Variants in MYOM3 observed in about 807,000 individuals in gnomAD.
The protein encoded by MYOM3 is myomesin 3.
Under a neutral mutation model 191.7 loss-of-function variants are expected in MYOM3, and 155 were observed. That is an observed-to-expected ratio of 0.81 (90% confidence interval 0.71 to 0.92). MYOM3 has a LOEUF of 0.92. Among genes scored for constraint, MYOM3 ranks in the 40% least tolerant of loss-of-function variants. The pLI, the probability that MYOM3 is intolerant of heterozygous loss-of-function variation, is 0.00. For missense variants in MYOM3, 1,889 were observed against 1,890.6 expected (o/e 1.00, Z 0.02); for synonymous variants, 757 against 762.9 (o/e 0.99, Z 0.13).
rs760240568 is a variant in MYOM3, at chr1:24,062,190, G to A, written c.3771-81C>T. ...CCCGTGCCCCAAAATCCTCTCCTCTGGTTTTGTTTTGAGATCACGGGCTAT... is the reference window on the plus strand; with the variant it reads ...CCCGTGCCCCAAAATCCTCTCCTCTAGTTTTGTTTTGAGATCACGGGCTAT... On this transcript the variant is annotated intron_variant, in intron 32 of 36. Transcript: ENST00000374434. 297 of 1,536,834 alleles carry A rather than the reference G, an allele frequency of 1.9e-4. 3 individuals carry two copies. Among genetic ancestry groups the A allele is most frequent in the Middle Eastern group, 1.1e-3 (5 of 4,380 alleles).
At chr1:24,057,845 C>T (rs886844187) in intron 36 of MYOM3, among the ~76,000 whole-genome samples, 2 of 152,144 alleles carry the variant, frequency 1.3e-5, no homozygotes, top group Non-Finnish European at 2.9e-5. Context: ...CTCGTTCCAT[C>T]GCCCAGGCTG....
chr1:24,087,814 G>T lies in MYOM3; in HGVS notation c.1615-987C>A, dbSNP rs934909020. Among the ~76,000 whole-genome samples the T allele has an allele frequency of 6.6e-6, 1 of 152,142 alleles. No individual in the cohort carries two copies. The highest frequency in any genetic ancestry group is 6.6e-5 in the Admixed American group (1 of 15,264). ...ATCATTGGCACCCCCTCCCCTGACT[G>T]CCGTGTCCCTAGGGCCAAGAACAGG... On this transcript the variant is annotated intron_variant, in intron 14 of 36. Transcript: ENST00000374434. The surrounding 1 kb of genome is among the most constrained non-coding windows in gnomAD (Gnocchi z 4.5).
At chr1:24,098,880 A>G (rs1643892716) in intron 6 of MYOM3, among the ~76,000 whole-genome samples, 1 of 152,200 alleles carries the variant, frequency 6.6e-6, no homozygotes, top group Non-Finnish European at 1.5e-5. Flanking sequence ...CAACCCAGAT[A>G]GAGAGAAATG....
chr1:24,109,314 T>C (rs540946271), intron 1 of MYOM3, among the ~76,000 whole-genome samples: 45 of 152,364 alleles, frequency 3.0e-4, no homozygotes, highest in African/African-American at 1.1e-3. Flanking sequence ...ATGACTTTGT[T>C]TCCTCATCTG....
chr1:24,086,711 T>C lies in MYOM3; in HGVS notation c.1731A>G (p.Ala577=), dbSNP rs765988493. ...GATCGCTCAGGCCATACTGGTTCAT[T>C]GCTCGCACTCTGAAGACATACGACT... The part of the protein sequence containing the change: ...KKKSYVFRVR[A]MNQYGLSDPS... Residue 577 remains alanine (A), a synonymous_variant, in exon 15 of 37, where the codon GCA becomes GCG. Transcript: ENST00000374434. 6.2e-7 allele frequency: 1 copy of C among 1,614,128 alleles called. No individual in the cohort carries two copies. The highest frequency in any genetic ancestry group is 2.2e-5 in the East Asian group (1 of 44,858).
In MYOM3 at chr1:24,068,498, T is replaced by A. The variant is rs1570857112; in HGVS notation, c.3151-131A>T. 4.7e-6 allele frequency: 5 copies of A among 1,059,782 alleles called. No individual in the cohort carries two copies. The East Asian group carries it at 1.2e-4, about 25-fold the overall frequency. The allele number at this position is 1,059,782 out of a possible 1,614,324, so 65.6% of individuals were successfully genotyped here. A position where few individuals can be genotyped will look rare whatever the true frequency, so the allele number is the denominator to read the frequency against. On this transcript the variant is annotated intron_variant, in intron 25 of 36. Transcript: ENST00000374434. ...GCCTTCAGAGACTGGGGCTGGCCGT[T>A]GGGTAACCCTCTGCTGCTCCCCCCA...
At chr1:24,078,997 A>G (rs1379154919) in intron 20 of MYOM3, among the ~76,000 whole-genome samples, 1 of 152,178 alleles carries the variant, frequency 6.6e-6, no homozygotes, top group Admixed American at 6.5e-5. Context: ...TAGACCTCTC[A>G]TTTAGCCAAA....
chr1:24,084,266 C>A (rs757076355), intron 16 of MYOM3: 7 of 582,216 alleles, frequency 1.2e-5, no homozygotes, highest in Non-Finnish European at 2.1e-5. Context: ...TCTCCTGCTC[C>A]CGCCATGTAA....
intron 18 of MYOM3, 118 bp downstream of exon 18, chr1:24,081,883 T>G (rs768772057): frequency 3.9e-5 from 39 of 1,002,726 alleles, no homozygotes; most frequent in Non-Finnish European, 5.1e-5. Context: ...TCTCGATGGC[T>G]GAGGCAGGGG....
rs369571711 is a variant in MYOM3, at chr1:24,082,105, G to T, written c.2176C>A (p.Arg726Ser). The T allele has an allele frequency of 8.7e-6, 14 of 1,613,542 alleles. No individual in the cohort carries two copies. Among genetic ancestry groups the T allele is most frequent in the African/African-American group, 2.7e-5 (2 of 74,890 alleles). Reference protein sequence around the residue: ...MVIGWKPPKRRGGGKILGYFL... With the variant: ...MVIGWKPPKRSGGGKILGYFL... ...TAGCCCAGGATCTTGCCACCTCCAC[G>T]ACGCTTGGGGGGTTTCCACCCAATG... is the stretch of plus-strand genomic sequence containing the variant. The change falls in exon 18 of 37, where the codon CGT becomes AGT. Residue 726 changes from arginine to serine, a missense_variant. By Grantham distance (110) the Arg-to-Ser change is moderately radical (BLOSUM62 -1). Transcript: ENST00000374434.
chr1:24,111,612 C>T lies in MYOM3; in HGVS notation c.-19+419G>A, dbSNP rs1644038770. Among the ~76,000 whole-genome samples the T allele has an allele frequency of 6.6e-6, 1 of 152,210 alleles. No individual in the cohort carries two copies. Among genetic ancestry groups the T allele is most frequent in the Admixed American group, 6.5e-5 (1 of 15,284 alleles). On this transcript the variant is annotated intron_variant, in intron 1 of 36. Transcript: ENST00000374434. The surrounding 1 kb of genome is among the most constrained non-coding windows in gnomAD (Gnocchi z 4.7). ...TCCGAGGGCTCGCTCTCTTTCCCTG[C>T]CTGTGGGGTTGGCCAAGCCGGGCTC...
intron 16 of MYOM3, chr1:24,082,998 C>A: frequency 3.6e-6 from 1 of 274,300 alleles, no homozygotes. Context: ...GGCAGCCAAC[C>A]CCAAACCCAG....
intron 25 of MYOM3, among the ~76,000 whole-genome samples, chr1:24,069,615 CTTT>C (rs66925187): frequency 7.2e-6 from 1 of 138,120 alleles, no homozygotes. Context: ...TTCTTTCTTT[CTTT>C]TTTTTTTTTG....
chr1:24,057,700 CA>C, intron 36 of MYOM3, 73 bp from the exon 37 acceptor site: 1 of 1,388,782 alleles, frequency 7.2e-7, no homozygotes, highest in Non-Finnish European at 1.0e-6. Context: ...TTCATGCCCC[CA>C]GAGAGCTCCC....
chr1:24,107,618 C>T (rs1643995907), intron 3 of MYOM3, among the ~76,000 whole-genome samples: 1 of 152,200 alleles, frequency 6.6e-6, no homozygotes, highest in Non-Finnish European at 1.5e-5. Context: ...GCTGCCTCTC[C>T]ACGCCGGCAC....
chr1:24,068,088 G>T, intron 26 of MYOM3, 59 bp from the exon 27 acceptor site: 1 of 1,594,856 alleles, frequency 6.3e-7, no homozygotes, highest in Non-Finnish European at 8.6e-7. Flanking sequence ...CTGGAGAGGG[G>T]ACATGGGGTG....
Position 24,094,848 on chromosome 1 carries a change from C to T in MYOM3, c.928+5G>A, listed in dbSNP as rs756099971. The T allele has an allele frequency of 3.7e-6, 6 of 1,609,620 alleles. No individual in the cohort carries two copies. The Admixed American group carries it at 6.7e-5, about 18-fold the overall frequency. On this transcript the variant is annotated splice_donor_5th_base_variant and intron_variant, in intron 9 of 36. Coordinates refer to ENST00000374434, the MANE Select transcript of MYOM3 (RefSeq NM_152372.4). Reference sequence around the variant, plus strand: ...AGGCTGGGGGCCAGGACTGGGGGTCCTTACCATCTCGGAACCACTGGATGC... The same window carrying T: ...AGGCTGGGGGCCAGGACTGGGGGTCTTTACCATCTCGGAACCACTGGATGC...
At position 24,089,666 on chromosome 1, in the gene MYOM3, C is replaced by T. The variant is rs780701957; in HGVS notation, c.1487-1G>A. The T allele has an allele frequency of 5.7e-6, 9 of 1,578,550 alleles. No homozygotes were observed. In the Middle Eastern group the frequency reaches 6.6e-4, roughly 116 times the overall value. On this transcript the variant is annotated splice_acceptor_variant, in intron 13 of 36. Transcript: ENST00000374434. LOFTEE classifies it high-confidence loss of function. ...GGCGGTGAGGGGATGGTCACAGTAT[C>T]TGAAATCAGAGTCACCCGGGACCGA... is the stretch of plus-strand genomic sequence containing the variant.
At chr1:24,109,936 T>C (rs1026511791) in intron 1 of MYOM3, among the ~76,000 whole-genome samples, 1 of 152,344 alleles carries the variant, frequency 6.6e-6, no homozygotes, top group South Asian at 2.1e-4. Flanking sequence ...AAGGCTCAAG[T>C]CTAGGCCCGT....
Sources: gnomAD v4.1 joint callset for allele counts (sites outside exome capture counted in the v4.1 genomes callset) on GRCh38, gnomAD v4.1.1 for gene constraint, Gnocchi (gnomAD v3.1) non-coding constraint, MANE v1.5 for transcripts, NCBI Gene and HGNC (gene_info 2026-07-23, HGNC 2026-07-21) for gene names.